Variants in PER2 observed in about 807,000 individuals in gnomAD.
PER2 encodes period circadian protein homolog 2.
PER2 carries 66 observed loss-of-function variants against 121.0 expected under a neutral mutation model. The observed-to-expected ratio is 0.55, with a 90% confidence interval of 0.45 to 0.67. The LOEUF is 0.67. Among genes scored for constraint, PER2 ranks in the 30% least tolerant of loss-of-function variants. The pLI is 0.00. For missense variants in PER2, 1,521 were observed against 1,635.0 expected, an observed-to-expected ratio of 0.93 and a Z score of 1.20; for synonymous variants, 684 against 659.9, an observed-to-expected ratio of 1.04 and a Z score of -0.56.
At chr2:238,248,027 G>T (rs1695493659) in intron 22 of PER2, among the ~76,000 whole-genome samples, 1 of 152,210 alleles carries the variant, frequency 6.6e-6, no homozygotes, top group Admixed American at 6.5e-5. Flanking sequence ...CAACCCACCA[G>T]CTGGGGCCTG....
rs1696176387 is a variant in PER2, at chr2:238,268,336, C to A, written c.825-138G>T. The A allele has an allele frequency of 2.3e-6, 2 of 875,022 alleles. No homozygotes were observed. Among genetic ancestry groups the A allele is most frequent in the African/African-American group, 3.3e-5 (2 of 60,436 alleles). The allele number at this position is 875,022 out of a possible 1,614,324, so 54.2% of individuals were successfully genotyped here. On this transcript the variant is annotated intron_variant, in intron 7 of 22. Coordinates refer to ENST00000254657, the MANE Select transcript of PER2 (RefSeq NM_022817.3). The surrounding 1 kb of genome is among the most constrained non-coding windows in gnomAD (Gnocchi z 4.0). ...CTCTGCCTGAGGAGCTGGGCCTGCC[C>A]CCTGCCCTCTTCGGTCCCTCCCTCA...
intron 1 of PER2, among the ~76,000 whole-genome samples, chr2:238,281,329 G>A (rs1387856117): frequency 6.6e-6 from 1 of 152,142 alleles, no homozygotes; most frequent in African/African-American, 2.4e-5. Context: ...GCTTTGAGAG[G>A]AAAAGCTTAT....
At chr2:238,266,878 A>G (rs902751562) in intron 8 of PER2, among the ~76,000 whole-genome samples, 3 of 150,018 alleles carry the variant, frequency 2.0e-5, no homozygotes, top group Non-Finnish European at 3.0e-5. Context: ...TCTCTACTAA[A>G]ATACAAAAAA....
At chr2:238,276,671 G>A (rs1365439970) in intron 3 of PER2, among the ~76,000 whole-genome samples, 1 of 152,226 alleles carries the variant, frequency 6.6e-6, no homozygotes, top group Non-Finnish European at 1.5e-5. Context: ...GCGGGGCACT[G>A]GCTGATGAAG....
At chr2:238,300,036 GC>G in the PER2 span, 1 of 152,222 alleles carries the variant, frequency 6.6e-6, no homozygotes, top group Non-Finnish European at 1.5e-5. Flanking sequence ...GGAGCATAAC[GC>G]TAGATGGGTG....
At chr2:238,250,433 A>T in intron 21 of PER2, 118 bp downstream of exon 21, 1 of 753,830 alleles carries the variant, frequency 1.3e-6, no homozygotes, top group Non-Finnish European at 2.3e-6. Context: ...GCACTCAGCT[A>T]AATCTAAGTC....
Position 238,261,810 on chromosome 2 carries a change from T to G in PER2, c.1335A>C (p.Ala445=), listed in dbSNP as rs1212133935. Residue 445 remains alanine (A), a synonymous_variant, in exon 12 of 23, where the codon GCA becomes GCC. Coordinates refer to ENST00000254657, the MANE Select transcript of PER2 (RefSeq NM_022817.3). ...RVGPLNEDVF[A]AHPCTEEKAL... is the part of the protein sequence containing the mutation. ...CCTTCTCCTCTGTGCAGGGGTGGGCTGCAAACACGTCCTCATTCAAAGGGC... is the reference window on the plus strand; with the variant it reads ...CCTTCTCCTCTGTGCAGGGGTGGGCGGCAAACACGTCCTCATTCAAAGGGC... 1 of 1,571,878 alleles carries G rather than the reference T, an allele frequency of 6.4e-7. No homozygotes were observed. Among genetic ancestry groups the G allele is most frequent in the Non-Finnish European group, 8.6e-7 (1 of 1,157,546 alleles).
chr2:238,287,884 G>A (rs188251981), intron 1 of PER2, among the ~76,000 whole-genome samples: 32 of 152,296 alleles, frequency 2.1e-4, no homozygotes, highest in African/African-American at 7.5e-4. Flanking sequence ...GGCAGCCAAA[G>A]TACATCCCAG....
Position 238,288,110 on chromosome 2 carries a change from C to T in PER2, c.-20+239G>A, listed in dbSNP as rs899866469. ...GAGACCCGTGGGTGTCCAGGAAAAG[C>T]TCCTAGATCAGCGCCCCTCCATGGC... On this transcript the variant is annotated intron_variant, in intron 1 of 22. Transcript: ENST00000254657. Among the ~76,000 whole-genome samples the T allele has an allele frequency of 2.6e-5, 4 of 152,268 alleles. No individual in the cohort carries two copies. In the East Asian group the frequency reaches 7.8e-4, roughly 30 times the overall value.
intron 1 of PER2, among the ~76,000 whole-genome samples, 168 bp from the exon 2 acceptor site, chr2:238,278,123 A>G (rs1696515922): frequency 6.6e-6 from 1 of 151,496 alleles, no homozygotes; most frequent in Non-Finnish European, 1.5e-5. Context: ...TCTACTTTGG[A>G]GACAGGGTCT....
chr2:238,257,127 A>G, intron 16 of PER2, 41 bp from the exon 17 acceptor site: 1 of 1,590,610 alleles, frequency 6.3e-7, no homozygotes, highest in Non-Finnish European at 8.6e-7. Context: ...GTGTGTCATT[A>G]CAATGCACTG....
chr2:238,288,985 A>T (rs1189994728), upstream of PER2: 2 of 152,152 alleles, frequency 1.3e-5, no homozygotes, highest in East Asian at 3.9e-4. Flanking sequence ...CTCAATGGAG[A>T]CGCGGCGCGT....
At chr2:238,277,045 C>A in intron 3 of PER2, 86 bp downstream of exon 3, 1 of 1,028,846 alleles carries the variant, frequency 9.7e-7, no homozygotes, top group Admixed American at 1.7e-5. Flanking sequence ...TAAAAAAAGC[C>A]ACGTCACTCC....
chr2:238,255,581 T>C (rs1476925069), intron 18 of PER2, 76 bp downstream of exon 18: 60 of 1,449,206 alleles, frequency 4.1e-5, no homozygotes, highest in Non-Finnish European at 5.7e-5. Flanking sequence ...ATTTCACATT[T>C]TGAAACCAGC....
chr2:238,253,214 G>A lies in PER2; in HGVS notation c.2809C>T (p.Leu937Phe). Reference sequence around the variant, plus strand: ...GAGGCAGAGGCCATCTCGGATGTGAGTGTGGGGTGGCTCGGAAACTGAGGC... The same window carrying A: ...GAGGCAGAGGCCATCTCGGATGTGAATGTGGGGTGGCTCGGAAACTGAGGC... ...SQPQFPSHPT[L>F]TSEMASASQP... is the part of the protein sequence containing the mutation. Residue 937 changes from leucine (L) to phenylalanine (F), a missense_variant, in exon 19 of 23, where the codon CTC (leucine) becomes TTC (phenylalanine). Leu to Phe is a conservative substitution (Grantham distance 22). Transcript: ENST00000254657. The surrounding 1 kb of genome is among the most constrained non-coding windows in gnomAD (Gnocchi z 5.6). 1 of 1,598,404 alleles carries A rather than the reference G, an allele frequency of 6.3e-7. No homozygotes were observed. The highest frequency in any genetic ancestry group is 8.5e-7 in the Non-Finnish European group (1 of 1,170,378).
In PER2 at chr2:238,261,819, G is replaced by A. The variant is rs970198349; in HGVS notation, c.1326C>T (p.Asp442=). 1.2e-5 allele frequency: 19 copies of A among 1,567,842 alleles called. No individual in the cohort carries two copies. Among genetic ancestry groups the A allele is most frequent in the African/African-American group, 6.8e-5 (5 of 73,686 alleles). ...CTGTGCAGGGGTGGGCTGCAAACAC[G>A]TCCTCATTCAAAGGGCCCCTGCGTG... ...HKVRVGPLNE[D]VFAAHPCTEE... Residue 442 remains aspartate, a synonymous_variant, in exon 12 of 23, where the codon GAC becomes GAT. Transcript: ENST00000254657.
chr2:238,293,545 G>T (rs112686472), upstream of PER2, among the ~76,000 whole-genome samples: 273 of 152,082 alleles, frequency 1.8e-3, 2 homozygotes, highest in African/African-American at 6.2e-3. Context: ...GACCAGCCTG[G>T]CCAACATGGT....
At chr2:238,277,014 C>T in intron 3 of PER2, 117 bp downstream of exon 3, 1 of 814,718 alleles carries the variant, frequency 1.2e-6, no homozygotes, top group Non-Finnish European at 2.2e-6. Flanking sequence ...CATAGCCACA[C>T]AGATGGGTTT....
chr2:238,296,962 G>A, the PER2 span, among the ~76,000 whole-genome samples: 2 of 152,210 alleles, frequency 1.3e-5, no homozygotes, highest in South Asian at 2.1e-4. Flanking sequence ...TCCTCGCGGG[G>A]GACATCTTCA....
Sources: allele counts gnomAD v4.1 joint callset (sites outside exome capture counted in the v4.1 genomes callset), GRCh38; gene constraint gnomAD v4.1.1; non-coding constraint Gnocchi (gnomAD v3.1); transcripts MANE v1.5; gene names NCBI Gene and HGNC (gene_info 2026-07-23, HGNC 2026-07-21).